CCDC141: variants seen among roughly 807,000 people sequenced by gnomAD.
CCDC141 encodes coiled-coil domain-containing protein 141.
In CCDC141, 168 loss-of-function variants were observed where a neutral mutation model predicts 181.0. The observed-to-expected ratio is 0.93, with a 90% CI of 0.82 to 1.05. The LOEUF (loss-of-function observed/expected upper bound fraction) is 1.05. CCDC141 is among the 50% of genes least tolerant of loss of function. The pLI is 0.00. For missense variants in CCDC141, 1,902 were observed against 1,788.5 expected (o/e 1.06, Z -1.14); for synonymous variants, 666 against 642.3 (o/e 1.04, Z -0.56).
At chr2:179,046,673 C>T (rs2043508322) in intron 2 of CCDC141, among the ~76,000 whole-genome samples, 1 of 152,096 alleles carries the variant, frequency 6.6e-6, no homozygotes, top group South Asian at 2.1e-4. Context: ...AACAAATGGC[C>T]CCAAATTTGT....
intron 14 of CCDC141, 143 bp downstream of exon 14, chr2:178,871,284 C>T: frequency 1.0e-6 from 1 of 954,888 alleles, no homozygotes; most frequent in Non-Finnish European, 1.6e-6. Context: ...AAAAATGTCT[C>T]TACAGTGGAT....
At chr2:178,822,115 G>A in the CCDC141 span, among the ~76,000 whole-genome samples, 311 of 152,124 alleles carry the variant, frequency 2.0e-3, 2 homozygotes, top group Middle Eastern at 6.8e-3. Flanking sequence ...TAGGGACATG[G>A]ATGAAGCTGG....
intron 4 of CCDC141, among the ~76,000 whole-genome samples, chr2:178,964,992 C>A (rs1173820746): frequency 6.6e-6 from 1 of 151,926 alleles, no homozygotes; most frequent in Non-Finnish European, 1.5e-5. Context: ...TATATTAATA[C>A]CTCTATAGTT....
Position 178,987,146 on chromosome 2 carries a change from C to G in CCDC141, c.226-8471G>C, listed in dbSNP as rs1213997180. 1.7e-5 allele frequency among the ~76,000 whole-genome samples: 2 copies of G among 115,076 alleles called. 1 individual carries two copies. Among genetic ancestry groups the G allele is most frequent in the African/African-American group, 6.6e-5 (2 of 30,356 alleles). The allele number at this position is 115,076 out of a possible 152,430, so 75.5% of individuals were successfully genotyped here. On this transcript the variant is annotated intron_variant, in intron 2 of 23. Transcript: ENST00000443758. ...TATAGATCAATGGAACAGAACACAGCCCTCAGAAATAATGCCGCATATCTA... is the reference window on the plus strand; with the variant it reads ...TATAGATCAATGGAACAGAACACAGGCCTCAGAAATAATGCCGCATATCTA...
At chr2:178,890,637 A>G (rs1301169769) in intron 8 of CCDC141, among the ~76,000 whole-genome samples, 1 of 152,158 alleles carries the variant, frequency 6.6e-6, no homozygotes, top group Admixed American at 6.6e-5. Context: ...AACTTGCTCT[A>G]GCATCCCCTC....
At chr2:178,990,383 G>C (rs917901775) in intron 2 of CCDC141, among the ~76,000 whole-genome samples, 1 of 151,766 alleles carries the variant, frequency 6.6e-6, no homozygotes, top group Non-Finnish European at 1.5e-5. Flanking sequence ...GCAAGCACAC[G>C]CATATTAACA....
At chr2:178,981,202 T>C (rs1691373813) in intron 2 of CCDC141, among the ~76,000 whole-genome samples, 1 of 152,084 alleles carries the variant, frequency 6.6e-6, no homozygotes, top group Non-Finnish European at 1.5e-5. Context: ...AGGCCGAAAA[T>C]TATGAAGCAT....
intron 6 of CCDC141, 101 bp from the exon 7 acceptor site, chr2:178,919,008 G>A (rs1688574336): frequency 9.4e-7 from 1 of 1,068,056 alleles, no homozygotes; most frequent in East Asian, 2.6e-5. Context: ...CCCCCAAGGT[G>A]ATGATATTAG....
intron 3 of CCDC141, among the ~76,000 whole-genome samples, chr2:178,976,591 G>A (rs1691134213): frequency 6.6e-6 from 1 of 152,124 alleles, no homozygotes; most frequent in Non-Finnish European, 1.5e-5. Context: ...CACAGTGTTC[G>A]AGGTGAGAAT....
At chr2:179,017,851 T>C (rs2042586914) in intron 2 of CCDC141, among the ~76,000 whole-genome samples, 2 of 152,108 alleles carry the variant, frequency 1.3e-5, no homozygotes, top group Admixed American at 1.3e-4. Context: ...GGTATGGCAC[T>C]TATAAGAAGA....
intron 2 of CCDC141, among the ~76,000 whole-genome samples, chr2:179,030,749 AG>A (rs1368861300): frequency 6.6e-6 from 1 of 152,128 alleles, no homozygotes; most frequent in Non-Finnish European, 1.5e-5. Flanking sequence ...ATATGACATT[AG>A]GAAAAATATT....
chr2:178,869,263 C>A lies in CCDC141; in HGVS notation c.2248G>T (p.Glu750Ter), dbSNP rs1469167292. 2 of 1,613,044 alleles carry A rather than the reference C, an allele frequency of 1.2e-6. No homozygotes were observed. The highest frequency in any genetic ancestry group is 1.7e-6 in the Non-Finnish European group (2 of 1,179,660). ...ACAGGGGCTCCTCTGCCAGTTAACTCCTCTGATTCTTTCATAATGTACTGA... is the reference window on the plus strand; with the variant it reads ...ACAGGGGCTCCTCTGCCAGTTAACTACTCTGATTCTTTCATAATGTACTGA... ...EVQYIMKESE[E>*]LTGRGAPVKE... Residue 750 changes from glutamate (E) to a stop codon, truncating the protein, a stop_gained, in exon 15 of 24, where the codon GAG becomes TAG. Transcript: ENST00000443758. LOFTEE classifies it high-confidence loss of function.
chr2:178,840,699 T>A (rs539319713), intron 22 of CCDC141, among the ~76,000 whole-genome samples: 1 of 152,310 alleles, frequency 6.6e-6, no homozygotes, highest in East Asian at 1.9e-4. Flanking sequence ...AGGCATGAAG[T>A]TTAGGGAAAC....
chr2:178,937,477 G>A (rs1689337144), intron 6 of CCDC141, among the ~76,000 whole-genome samples: 1 of 152,112 alleles, frequency 6.6e-6, no homozygotes, highest in African/African-American at 2.4e-5. Flanking sequence ...TTGATGTGCT[G>A]TTCAATTTGG....
At position 179,015,393 on chromosome 2, in the gene CCDC141, T is replaced by C. The variant is rs572185452; in HGVS notation, c.225+31891A>G. Among the ~76,000 whole-genome samples, 98 of 137,294 alleles carry C rather than the reference T, an allele frequency of 7.1e-4. 1 individual carries two copies. Among genetic ancestry groups the C allele is most frequent in the African/African-American group, 1.6e-3 (60 of 37,018 alleles). 90.1% of individuals were successfully genotyped at this position (137,294 alleles called of 152,430 possible). On this transcript the variant is annotated intron_variant, in intron 2 of 23. Coordinates refer to ENST00000443758, the MANE Select transcript of CCDC141 (RefSeq NM_173648.4). ...GTATCATATATATCTCATATATGTA[T>C]CATATATCTCATATATGTACCATAT... is the stretch of plus-strand genomic sequence containing the variant.
intron 5 of CCDC141, among the ~76,000 whole-genome samples, chr2:178,953,431 C>A (rs1234019068): frequency 1.3e-4 from 19 of 142,958 alleles, no homozygotes; most frequent in Admixed American, 4.1e-4. Flanking sequence ...AGCGAGACTC[C>A]CTCTCAAAAA....
chr2:178,839,972 T>G (rs1010135270), intron 22 of CCDC141, among the ~76,000 whole-genome samples: 1 of 152,192 alleles, frequency 6.6e-6, no homozygotes, highest in Admixed American at 6.6e-5. Flanking sequence ...ATTTGAACAC[T>G]TTTTCTGAAA....
At chr2:178,995,996 T>C (rs1358346139) in intron 2 of CCDC141, among the ~76,000 whole-genome samples, 1 of 152,298 alleles carries the variant, frequency 6.6e-6, no homozygotes, top group East Asian at 1.9e-4. Flanking sequence ...GATGAAAACA[T>C]TATATTAAAA....
intron 2 of CCDC141, among the ~76,000 whole-genome samples, chr2:178,985,658 A>T (rs1443461524): frequency 2.0e-5 from 3 of 152,192 alleles, no homozygotes; most frequent in South Asian, 4.1e-4. Flanking sequence ...CCACAGAAAT[A>T]CAAACTACCA....
Sources: gnomAD v4.1 joint callset for allele counts (sites outside exome capture counted in the v4.1 genomes callset) on GRCh38, gnomAD v4.1.1 for gene constraint, MANE v1.5 for transcripts, NCBI Gene and HGNC (gene_info 2026-07-23, HGNC 2026-07-21) for gene names.